The following MPRIP variants were observed in gnomAD, a reference collection of about 807,000 sequenced individuals.
The protein encoded by MPRIP is myosin phosphatase Rho-interacting protein.
Under a neutral mutation model 234.9 loss-of-function variants are expected in MPRIP, and 59 were observed. The observed-to-expected ratio is 0.25, with a 90% CI of 0.20 to 0.31. The LOEUF is 0.31. Ranked by LOEUF, MPRIP falls within the 10% of genes least tolerant of loss-of-function variation. The pLI is 1.00. For missense variants in MPRIP, 2,436 were observed against 3,071.0 expected (o/e 0.79, Z 4.89); for synonymous variants, 1,144 against 1,263.9 (o/e 0.91, Z 2.01).
chr17:17,082,575 A>G (rs891672352), intron 3 of MPRIP, among the ~76,000 whole-genome samples: 2 of 152,240 alleles, frequency 1.3e-5, no homozygotes, highest in East Asian at 1.9e-4. Flanking sequence ...GATTACAGGC[A>G]TGAGCCACCG....
Position 17,158,832 on chromosome 17 carries a change from G to C in MPRIP, c.2230G>C (p.Asp744His). Reference sequence around the variant, plus strand: ...CCGGAGCCCAGGGCTGCCTATGAGCGACCTCAAAACGCATAACGTCCACGT... The same window carrying C: ...CCGGAGCCCAGGGCTGCCTATGAGCCACCTCAAAACGCATAACGTCCACGT... The part of the protein sequence containing the change: ...VDRSPGLPMS[D>H]LKTHNVHVEI... Residue 744 changes from aspartate to histidine, a missense_variant, in exon 14 of 24, where the codon GAC (aspartate) becomes CAC (histidine). Physicochemically the swap from Asp to His is moderately conservative, Grantham distance 81. Transcript: ENST00000651222. 6.2e-7 allele frequency: 1 copy of C among 1,611,702 alleles called. No individual in the cohort carries two copies. Among genetic ancestry groups the C allele is most frequent in the South Asian group, 1.1e-5 (1 of 91,032 alleles).
intron 3 of MPRIP, chr17:17,096,722 C>G (rs1046538615): frequency 2.1e-6 from 1 of 470,820 alleles, no homozygotes; most frequent in South Asian, 1.5e-5. Flanking sequence ...CCTGTCCTTA[C>G]CCAGGGCCTC....
rs1363556712 is a variant in MPRIP, at chr17:17,166,670, C to T, written c.5079C>T (p.Thr1693=). ...GCAGGCTACAGAGCATCCAGGAGACCCTGCGGGGCACCCAGACGGCCCTGC... is the reference window on the plus strand; with the variant it reads ...GCAGGCTACAGAGCATCCAGGAGACTCTGCGGGGCACCCAGACGGCCCTGC... ...FHRRLQSIQE[T]LRGTQTALRQ... The change falls in exon 16 of 24, where the codon ACC becomes ACT. Residue 1693 remains threonine, a synonymous_variant. Coordinates refer to ENST00000651222, the MANE Select transcript of MPRIP (RefSeq NM_001364716.4). This position sits in a 1 kb window ranked among gnomAD's most constrained non-coding sequence, Gnocchi z 4.4. 39 of 1,303,968 alleles carry T rather than the reference C, an allele frequency of 3.0e-5. No homozygotes were observed. Among genetic ancestry groups the T allele is most frequent in the Non-Finnish European group, 3.6e-5 (36 of 988,964 alleles). The allele number at this position is 1,303,968 out of a possible 1,614,324, so 80.8% of individuals were successfully genotyped here. A position where few individuals can be genotyped will look rare whatever the true frequency, so the allele number is the denominator to read the frequency against.
At chr17:17,072,669 G>A (rs1172634752) in intron 1 of MPRIP, among the ~76,000 whole-genome samples, 1 of 152,240 alleles carries the variant, frequency 6.6e-6, no homozygotes, top group East Asian at 1.9e-4. Flanking sequence ...GAGGAGGCTG[G>A]GGGAGGCTGC....
chr17:17,076,033 A>G (rs996090235), intron 2 of MPRIP: 2 of 481,246 alleles, frequency 4.2e-6, no homozygotes, highest in African/African-American at 2.0e-5. Context: ...TTTGTGGGTC[A>G]GGTTGACTCT....
chr17:17,124,882 G>A (rs2090461103), intron 3 of MPRIP, among the ~76,000 whole-genome samples: 1 of 152,188 alleles, frequency 6.6e-6, no homozygotes, highest in Non-Finnish European at 1.5e-5. Context: ...GGCTGGAGCT[G>A]GAGAGAGGAG....
chr17:17,052,949 T>C (rs16961288), intron 1 of MPRIP, among the ~76,000 whole-genome samples: 2 of 152,002 alleles, frequency 1.3e-5, no homozygotes, highest in African/African-American at 4.8e-5. Context: ...TCGTGGTCCT[T>C]CCCATAGATA....
chr17:17,066,491 G>A (rs547562922), intron 1 of MPRIP, among the ~76,000 whole-genome samples: 13 of 152,090 alleles, frequency 8.5e-5, no homozygotes, highest in East Asian at 1.9e-4. Flanking sequence ...AACCCCCTTG[G>A]TCATGGTTTA....
intron 3 of MPRIP, among the ~76,000 whole-genome samples, chr17:17,121,893 A>G (rs1250729255): frequency 6.6e-6 from 1 of 152,132 alleles, no homozygotes; most frequent in Non-Finnish European, 1.5e-5. Context: ...GCTCCCACTT[A>G]CAAGTGAGAG....
At chr17:17,124,342 C>T (rs2090451237) in intron 3 of MPRIP, among the ~76,000 whole-genome samples, 1 of 152,144 alleles carries the variant, frequency 6.6e-6, no homozygotes, top group Non-Finnish European at 1.5e-5. Context: ...GGTGGATGAT[C>T]CCTTGAGAAG....
At chr17:17,102,232 G>A (rs2089977300) in intron 3 of MPRIP, among the ~76,000 whole-genome samples, 1 of 152,100 alleles carries the variant, frequency 6.6e-6, no homozygotes, top group Non-Finnish European at 1.5e-5. Flanking sequence ...GTTACCCATA[G>A]TCAAGGCCAG....
intron 7 of MPRIP, chr17:17,141,362 G>GCGGC (rs2090813248): frequency 6.6e-6 from 1 of 152,316 alleles, no homozygotes; most frequent in African/African-American, 2.4e-5. Flanking sequence ...TCACAATGCC[G>GCGGC]CGGCCTCTGC....
chr17:17,050,925 G>A (rs1386959890), intron 1 of MPRIP, among the ~76,000 whole-genome samples: 1 of 152,170 alleles, frequency 6.6e-6, no homozygotes, highest in Admixed American at 6.5e-5. Flanking sequence ...TTTTCCCTGG[G>A]TTCTAGCCTG....
At chr17:17,171,665 C>G in intron 16 of MPRIP, 53 bp from the exon 17 acceptor site, 1 of 1,583,164 alleles carries the variant, frequency 6.3e-7, no homozygotes, top group East Asian at 2.2e-5. Context: ...TAAAAGGGCC[C>G]CCAACTTAGA....
intron 23 of MPRIP, among the ~76,000 whole-genome samples, chr17:17,183,418 G>A (rs2046413144): frequency 6.6e-6 from 1 of 152,164 alleles, no homozygotes; most frequent in Non-Finnish European, 1.5e-5. Flanking sequence ...GGGTTTCACT[G>A]TGTTAGCCAG....
At chr17:17,117,979 AC>A (rs1374183239) in intron 3 of MPRIP, among the ~76,000 whole-genome samples, 3 of 152,224 alleles carry the variant, frequency 2.0e-5, no homozygotes, top group Non-Finnish European at 4.4e-5. Context: ...CTTAGAGTCT[AC>A]CTTAGATCTC....
intron 7 of MPRIP, among the ~76,000 whole-genome samples, chr17:17,139,342 C>A (rs141066034): frequency 1.3e-5 from 2 of 152,228 alleles, no homozygotes; most frequent in African/African-American, 2.4e-5. Context: ...GATAGACTTA[C>A]AGACTTCTGG....
intron 3 of MPRIP, among the ~76,000 whole-genome samples, chr17:17,090,639 G>A (rs1006409059): frequency 2.6e-5 from 4 of 152,202 alleles, no homozygotes; most frequent in East Asian, 1.9e-4. Context: ...ACCAGCAAGC[G>A]TCTGTGATCA....
intron 6 of MPRIP, among the ~76,000 whole-genome samples, 177 bp downstream of exon 6, chr17:17,136,627 T>G (rs1221546347): frequency 6.6e-6 from 1 of 152,224 alleles, no homozygotes; most frequent in East Asian, 1.9e-4. Context: ...ATTCCCGGGC[T>G]CCAGTCTTGG....
Sources: allele counts gnomAD v4.1 joint callset (sites outside exome capture counted in the v4.1 genomes callset), GRCh38; gene constraint gnomAD v4.1.1; non-coding constraint Gnocchi (gnomAD v3.1); transcripts MANE v1.5; gene names NCBI Gene and HGNC (gene_info 2026-07-23, HGNC 2026-07-21).